INSC: variants seen among roughly 807,000 people sequenced by gnomAD.
INSC encodes protein inscuteable homolog.
Under a neutral mutation model 58.6 loss-of-function variants are expected in INSC, and 67 were observed. The observed-to-expected ratio is 1.14, with a 90% CI of 0.94 to 1.40. The LOEUF (loss-of-function observed/expected upper bound fraction) is 1.40. INSC is among the 40% of genes most tolerant of loss of function. INSC has a pLI of 0.00. For missense variants in INSC, 714 were observed against 692.0 expected, an observed-to-expected ratio of 1.03 and a Z score of -0.36; for synonymous variants, 262 against 276.1, an observed-to-expected ratio of 0.95 and a Z score of 0.51.
intron 7 of INSC, among the ~76,000 whole-genome samples, chr11:15,220,355 A>G (rs1851390432): frequency 6.6e-6 from 1 of 152,162 alleles, no homozygotes; most frequent in Non-Finnish European, 1.5e-5. Context: ...GTCCCCAGGC[A>G]GGCTGGTGTC....
chr11:15,264,327 G>GT, the INSC span, among the ~76,000 whole-genome samples: 1 of 149,450 alleles, frequency 6.7e-6, no homozygotes, highest in Non-Finnish European at 1.5e-5. Flanking sequence ...CGGCTGCTGC[G>GT]TATCTCTGAC....
At chr11:15,220,843 A>G (rs905860011) in intron 7 of INSC, among the ~76,000 whole-genome samples, 3 of 152,194 alleles carry the variant, frequency 2.0e-5, no homozygotes, top group African/African-American at 7.2e-5. Flanking sequence ...TTTGCTTCTT[A>G]CTGGTTGGGC....
chr11:15,227,045 A>G (rs1851668492), intron 9 of INSC, among the ~76,000 whole-genome samples: 1 of 152,238 alleles, frequency 6.6e-6, no homozygotes, highest in South Asian at 2.1e-4. Flanking sequence ...TGAGGGTTCT[A>G]ATAATACTGT....
In INSC at chr11:15,221,541, C is replaced by A; in HGVS notation, c.884C>A (p.Ala295Asp). 1 of 1,614,066 alleles carries A rather than the reference C, an allele frequency of 6.2e-7. No homozygotes were observed. Among genetic ancestry groups the A allele is most frequent in the Non-Finnish European group, 8.5e-7 (1 of 1,179,966 alleles). Reference protein sequence around the residue: ...TDNSHSEATRAEAAAVVAQVT... With the variant: ...TDNSHSEATRDEAAAVVAQVT... ...AACAGCCACTCAGAGGCCACACGGG[C>A]TGAGGCTGCGGCTGTGGTGGCCCAG... The change falls in exon 8 of 13, where the codon GCT becomes GAT. Residue 295 changes from alanine (A) to aspartate (D), a missense_variant. Transcript: ENST00000379556.
Position 15,221,640 on chromosome 11 carries a change from C to A in INSC, c.983C>A (p.Ala328Asp), listed in dbSNP as rs753585606. 1.4e-5 allele frequency: 22 copies of A among 1,610,112 alleles called. No homozygotes were observed. The South Asian group carries it at 2.2e-4, about 16-fold the overall frequency. ...GAGAGCATGGAGGAGATCGTGACAG[C>A]CCTCGTCAGTGAGTCACCCTGGGCA... ...FLESMEEIVT[A>D]LVKLCQEASS... Residue 328 changes from alanine (A) to aspartate (D), a missense_variant, in exon 8 of 13, where the codon GCC becomes GAC. Coordinates refer to ENST00000379556, the MANE Select transcript of INSC (RefSeq NM_001042536.3).
At chr11:15,232,291 T>C (rs529135816) in intron 9 of INSC, among the ~76,000 whole-genome samples, 12 of 152,204 alleles carry the variant, frequency 7.9e-5, no homozygotes, top group Admixed American at 2.6e-4. Context: ...TAGTGTTTCT[T>C]GACACAGTCT....
intron 2 of INSC, among the ~76,000 whole-genome samples, chr11:15,154,294 G>A (rs188956818): frequency 6.6e-6 from 1 of 152,336 alleles, no homozygotes; most frequent in African/African-American, 2.4e-5. Flanking sequence ...AGGTGATGGT[G>A]AGAAATTAAA....
At chr11:15,125,409 G>T (rs866287169) in intron 1 of INSC, among the ~76,000 whole-genome samples, 2 of 152,116 alleles carry the variant, frequency 1.3e-5, no homozygotes, top group Non-Finnish European at 2.9e-5. Context: ...GAAAAATTTC[G>T]AAGAGAGAAA....
intron 5 of INSC, among the ~76,000 whole-genome samples, chr11:15,182,190 A>G (rs1251453800): frequency 6.6e-6 from 1 of 152,198 alleles, no homozygotes; most frequent in Non-Finnish European, 1.5e-5. Context: ...GAAAGTTACA[A>G]TAAGCTGATC....
At chr11:15,217,131 A>G (rs1040582578) in intron 7 of INSC, among the ~76,000 whole-genome samples, 1 of 152,226 alleles carries the variant, frequency 6.6e-6, no homozygotes, top group African/African-American at 2.4e-5. Flanking sequence ...ATTGGCTCAC[A>G]GTTCCACAGG....
rs190455683 is a variant in INSC, at chr11:15,191,886, C to T, written c.693+1072C>T. Among the ~76,000 whole-genome samples, 159 of 152,254 alleles carry T rather than the reference C, an allele frequency of 1.0e-3. 2 individuals are homozygous for T. The highest frequency in any genetic ancestry group is 2.1e-4 in the Non-Finnish European group (14 of 68,010). ...GAATCTGGGTCCTCTATTGTTTTTT[C>T]ACCAAAGATATTGGCCAGTGTTCAG... is the stretch of plus-strand genomic sequence containing the variant. On this transcript the variant is annotated intron_variant, in intron 6 of 12. Transcript: ENST00000379556.
At chr11:15,201,935 A>G (rs138121034) in intron 7 of INSC, among the ~76,000 whole-genome samples, 1,550 of 152,270 alleles carry the variant, frequency 0.01, 17 homozygotes, top group South Asian at 0.035. Flanking sequence ...CAGCTTCTTC[A>G]CTTTGGTCTG....
At position 15,225,893 on chromosome 11, in the gene INSC, G is replaced by C. The variant is rs890307525; in HGVS notation, c.1170+65G>C. On this transcript the variant is annotated intron_variant, in intron 9 of 12. Transcript: ENST00000379556. Reference sequence around the variant, plus strand: ...CATGGAGACAGAAGTTAGGAGGCCAGCACGTAGTTTCTGAGGCAGGGGAGA... The same window carrying C: ...CATGGAGACAGAAGTTAGGAGGCCACCACGTAGTTTCTGAGGCAGGGGAGA... The C allele has an allele frequency of 1.4e-5, 21 of 1,503,832 alleles. No homozygotes were observed. The African/African-American group carries it at 2.2e-4, about 16-fold the overall frequency. The allele number at this position is 1,503,832 out of a possible 1,614,324, so 93.2% of individuals were successfully genotyped here. A position where few individuals can be genotyped will look rare whatever the true frequency, so the allele number is the denominator to read the frequency against.
intron 1 of INSC, among the ~76,000 whole-genome samples, chr11:15,115,338 G>T (rs2133668858): frequency 6.6e-6 from 1 of 152,298 alleles, no homozygotes; most frequent in Middle Eastern, 3.4e-3. Flanking sequence ...TGTGTGTGTG[G>T]CAGGAAGGCC....
At chr11:15,183,134 G>C (rs1006736167) in intron 5 of INSC, among the ~76,000 whole-genome samples, 1 of 152,060 alleles carries the variant, frequency 6.6e-6, no homozygotes, top group East Asian at 1.9e-4. Flanking sequence ...GATCACCTGA[G>C]GTTGGGAGCT....
At position 15,240,493 on chromosome 11, in the gene INSC, C is replaced by T. The variant is rs1208372356; in HGVS notation, c.1440C>T (p.Asn480=). ...IELCRSPSER[N]SSDAVLVACL... is the part of the protein sequence containing the mutation. ...TCTGCAGATCCCCATCAGAGAGGAACAGCAGTGACGCCGTGCTTGTGGCCT... is the reference window on the plus strand; with the variant it reads ...TCTGCAGATCCCCATCAGAGAGGAATAGCAGTGACGCCGTGCTTGTGGCCT... Residue 480 remains asparagine, a synonymous_variant, in exon 12 of 13, where the codon AAC becomes AAT. Transcript: ENST00000379556. The T allele has an allele frequency of 4.3e-6, 7 of 1,613,784 alleles. No homozygotes were observed. The South Asian group carries it at 4.4e-5, about 10-fold the overall frequency.
intron 1 of INSC, among the ~76,000 whole-genome samples, chr11:15,116,901 C>CCTTCCTTCCT (rs1847735720): frequency 1.9e-5 from 1 of 52,434 alleles, no homozygotes; most frequent in African/African-American, 7.4e-5. Context: ...CCCTCCCTCC[C>CCTTCCTTCCT]TCCCTCCCTC....
intron 6 of INSC, among the ~76,000 whole-genome samples, chr11:15,191,372 T>C (rs1035941795): frequency 2.6e-5 from 4 of 152,282 alleles, no homozygotes; most frequent in African/African-American, 9.6e-5. Context: ...ATCATCTTTC[T>C]TTATGGGTAT....
At chr11:15,135,498 AG>A (rs1365608118) in intron 1 of INSC, among the ~76,000 whole-genome samples, 2 of 152,178 alleles carry the variant, frequency 1.3e-5, no homozygotes, top group Non-Finnish European at 2.9e-5. Context: ...TGTTATATAC[AG>A]TGGTTGTAGA....
Sources: gnomAD v4.1 joint callset for allele counts (sites outside exome capture counted in the v4.1 genomes callset) on GRCh38, gnomAD v4.1.1 for gene constraint, MANE v1.5 for transcripts, NCBI Gene and HGNC (gene_info 2026-07-23, HGNC 2026-07-21) for gene names.